The following MDGA2 variants were observed in gnomAD, a reference collection of about 807,000 sequenced individuals.
MDGA2 encodes MAM domain-containing glycosylphosphatidylinositol anchor protein 2.
Under a neutral mutation model 117.8 loss-of-function variants are expected in MDGA2, and 40 were observed. The observed-to-expected ratio is 0.34, with a 90% CI of 0.26 to 0.44. MDGA2 has a LOEUF of 0.44. MDGA2 is among the 20% of genes least tolerant of loss of function. MDGA2 has a pLI of 1.00. For missense variants in MDGA2, 1,123 were observed against 1,250.6 expected, an observed-to-expected ratio of 0.90 and a Z score of 1.54; for synonymous variants, 452 against 439.0, an observed-to-expected ratio of 1.03 and a Z score of -0.37.
intron 1 of MDGA2, among the ~76,000 whole-genome samples, chr14:47,311,503 A>T (rs4594172): frequency 6.6e-6 from 1 of 152,126 alleles, no homozygotes; most frequent in East Asian, 1.9e-4. Context: ...AAAAAAAAAC[A>T]TCTTGGATCC....
At chr14:47,402,507 T>C (rs533488063) in intron 1 of MDGA2, among the ~76,000 whole-genome samples, 3 of 152,310 alleles carry the variant, frequency 2.0e-5, no homozygotes, top group Admixed American at 2.0e-4. Flanking sequence ...AATGAAATGC[T>C]ATAAATGATA....
intron 1 of MDGA2, among the ~76,000 whole-genome samples, chr14:47,447,301 C>T (rs143622265): frequency 6.6e-6 from 1 of 152,128 alleles, no homozygotes; most frequent in Non-Finnish European, 1.5e-5. Flanking sequence ...TTATCTCACG[C>T]CTATCCCAAT....
chr14:46,959,024 C>A (rs889490899), intron 8 of MDGA2, among the ~76,000 whole-genome samples: 4 of 151,930 alleles, frequency 2.6e-5, no homozygotes, highest in South Asian at 2.1e-4. Flanking sequence ...CCTACTTATT[C>A]CAGTTGAATT....
intron 2 of MDGA2, among the ~76,000 whole-genome samples, chr14:47,226,345 C>T (rs1023681715): frequency 4.8e-4 from 73 of 152,072 alleles, no homozygotes; most frequent in African/African-American, 1.6e-3. Context: ...GGACTCATCA[C>T]GGTAGACAAG....
At chr14:47,235,997 G>C (rs946936494) in intron 2 of MDGA2, among the ~76,000 whole-genome samples, 1 of 152,034 alleles carries the variant, frequency 6.6e-6, no homozygotes, top group African/African-American at 2.4e-5. Context: ...GGTATGGTTA[G>C]AGAAAATGTG....
At chr14:47,194,859 G>C (rs1267941680) in intron 3 of MDGA2, among the ~76,000 whole-genome samples, 1 of 151,892 alleles carries the variant, frequency 6.6e-6, no homozygotes, top group Non-Finnish European at 1.5e-5. Flanking sequence ...GGAAATCTGA[G>C]TTTAAAGACA....
chr14:47,050,550 A>G (rs1889422167), intron 7 of MDGA2, among the ~76,000 whole-genome samples: 1 of 151,938 alleles, frequency 6.6e-6, no homozygotes, highest in South Asian at 2.1e-4. Flanking sequence ...AAAATAATTC[A>G]CCATAAACAA....
intron 1 of MDGA2, among the ~76,000 whole-genome samples, chr14:47,569,881 C>T (rs1382500666): frequency 6.6e-6 from 1 of 152,138 alleles, no homozygotes; most frequent in Non-Finnish European, 1.5e-5. Context: ...AAAGGTTCAT[C>T]TTAAGCATGA....
intron 1 of MDGA2, among the ~76,000 whole-genome samples, chr14:47,312,688 G>GTTTTTTTTTTTTTT (rs1186421912): frequency 4.8e-5 from 5 of 104,292 alleles, no homozygotes; most frequent in East Asian, 3.7e-4. Flanking sequence ...TTTTTTTTTT[G>GTTTTTTTTTTTTTT]TTTTGTTTTG....
At chr14:47,597,383 G>A (rs1272040672) in intron 1 of MDGA2, among the ~76,000 whole-genome samples, 1 of 151,876 alleles carries the variant, frequency 6.6e-6, no homozygotes, top group Admixed American at 6.6e-5. Flanking sequence ...AATATTATAG[G>A]TGACAATTTC....
At chr14:47,129,915 C>T (rs1205880291) in intron 5 of MDGA2, among the ~76,000 whole-genome samples, 2 of 148,674 alleles carry the variant, frequency 1.3e-5, no homozygotes, top group Non-Finnish European at 3.0e-5. Context: ...TGTTCATGTC[C>T]TTCGCCCACT....
chr14:47,381,071 A>G (rs1435808954), intron 1 of MDGA2, among the ~76,000 whole-genome samples: 1 of 152,216 alleles, frequency 6.6e-6, no homozygotes, highest in East Asian at 1.9e-4. Context: ...CAAATCAGTA[A>G]ATGTAATCCA....
intron 15 of MDGA2, among the ~76,000 whole-genome samples, chr14:46,852,434 A>G (rs948311985): frequency 6.6e-6 from 1 of 151,830 alleles, no homozygotes; most frequent in South Asian, 2.1e-4. Flanking sequence ...AGGAGATGAG[A>G]GTTCAAAAAA....
chr14:46,931,547 G>A (rs1430009389), intron 9 of MDGA2, among the ~76,000 whole-genome samples: 1 of 124,836 alleles, frequency 8.0e-6, no homozygotes, highest in African/African-American at 3.1e-5. Context: ...TTTTGAGATG[G>A]AGTCTAGCTC....
rs139503219 is a variant in MDGA2, at chr14:46,886,338, T to C, written c.2239-4117A>G. ...AAATATAGCATGAAAAAGGAACCTA[T>C]GCAACATACATCAACATGGAAAATT... is the stretch of plus-strand genomic sequence containing the variant. On this transcript the variant is annotated intron_variant, in intron 10 of 16. Transcript: ENST00000399232. 4.7e-3 allele frequency among the ~76,000 whole-genome samples: 713 copies of C among 152,212 alleles called. 6 individuals are homozygous for C. The highest frequency in any genetic ancestry group is 0.016 in the African/African-American group (658 of 41,554).
intron 1 of MDGA2, among the ~76,000 whole-genome samples, chr14:47,493,401 C>T (rs530883107): frequency 1.3e-5 from 2 of 151,724 alleles, no homozygotes; most frequent in African/African-American, 4.8e-5. Flanking sequence ...CTGCAACCTT[C>T]GCCTCCCAGG....
At chr14:47,351,733 T>C (rs1890886437) in intron 1 of MDGA2, among the ~76,000 whole-genome samples, 1 of 152,208 alleles carries the variant, frequency 6.6e-6, no homozygotes, top group Admixed American at 6.5e-5. Context: ...TATTATGATT[T>C]GCTAATGGAT....
intron 9 of MDGA2, among the ~76,000 whole-genome samples, chr14:46,935,031 T>TA (rs1442112105): frequency 2.9e-4 from 41 of 139,922 alleles, no homozygotes; most frequent in Admixed American, 9.8e-4. Flanking sequence ...GTGTCAGAAT[T>TA]TAAAAAAAAA....
intron 4 of MDGA2, among the ~76,000 whole-genome samples, chr14:47,137,408 AC>A (rs1285327879): frequency 6.6e-6 from 1 of 151,980 alleles, no homozygotes; most frequent in Non-Finnish European, 1.5e-5. Context: ...ATGCGGGCAG[AC>A]CCCTCATGAA....
Sources: allele counts gnomAD v4.1 joint callset (sites outside exome capture counted in the v4.1 genomes callset), GRCh38; gene constraint gnomAD v4.1.1; transcripts MANE v1.5; gene names NCBI Gene and HGNC (gene_info 2026-07-23, HGNC 2026-07-21).